The following PTPRG variants were observed in gnomAD, a reference collection of about 807,000 sequenced individuals.
PTPRG encodes protein tyrosine phosphatase receptor type G, also known as receptor-type tyrosine-protein phosphatase gamma.
PTPRG carries 102 observed loss-of-function variants against 165.3 expected under a neutral mutation model. The observed-to-expected ratio is 0.62, with a 90% CI of 0.53 to 0.73. The LOEUF is 0.73. Ranked by LOEUF, PTPRG falls within the 30% of genes least tolerant of loss-of-function variation. The pLI is 0.00. For synonymous variants in PTPRG, 675 were observed against 669.5 expected (o/e 1.01, Z -0.13); for missense variants, 1,866 against 1,861.4 (o/e 1.00, Z -0.05).
At chr3:61,844,737 A>C (rs1290724034) in intron 2 of PTPRG, among the ~76,000 whole-genome samples, 1 of 151,734 alleles carries the variant, frequency 6.6e-6, no homozygotes, top group Non-Finnish European at 1.5e-5. Context: ...TCCTGGCCTC[A>C]AGCAGTCCTA....
chr3:61,869,680 C>G (rs1299939348), intron 2 of PTPRG, among the ~76,000 whole-genome samples: 1 of 151,744 alleles, frequency 6.6e-6, no homozygotes, highest in Non-Finnish European at 1.5e-5. Context: ...CTGGGCTTAA[C>G]TGATCTTCCC....
At chr3:61,720,023 T>G (rs1202091479) in intron 1 of PTPRG, among the ~76,000 whole-genome samples, 1 of 152,196 alleles carries the variant, frequency 6.6e-6, no homozygotes, top group Non-Finnish European at 1.5e-5. Flanking sequence ...TTTTTTCTCC[T>G]GGGCACCATT....
At chr3:62,220,272 G>T (rs1700620992) in intron 13 of PTPRG, among the ~76,000 whole-genome samples, 1 of 152,248 alleles carries the variant, frequency 6.6e-6, no homozygotes. Flanking sequence ...TTCACTCGAA[G>T]ATGAGTAGGG....
Position 62,228,576 on chromosome 3 carries a change from C to G in PTPRG, c.2289-2649C>G, listed in dbSNP as rs974582835. Among the ~76,000 whole-genome samples the G allele has an allele frequency of 5.3e-5, 8 of 151,960 alleles. No individual in the cohort carries two copies. Among genetic ancestry groups the G allele is most frequent in the African/African-American group, 1.7e-4 (7 of 41,360 alleles). On this transcript the variant is annotated intron_variant, in intron 13 of 29. Coordinates refer to ENST00000474889, the MANE Select transcript of PTPRG (RefSeq NM_002841.4). The surrounding 1 kb of genome is among the most constrained non-coding windows in gnomAD (Gnocchi z 4.1). The stretch of plus-strand genomic sequence containing the variant: ...AAGGACAAGTGCTCCAGGCAGAGGT[C>G]GCTGTGTAGGAGATGACCCAGAAGC...
At position 61,669,438 on chromosome 3, in the gene PTPRG, G is replaced by T. The variant is rs556582595; in HGVS notation, c.86-79440G>T. Among the ~76,000 whole-genome samples the T allele has an allele frequency of 3.9e-5, 6 of 152,260 alleles. No individual in the cohort carries two copies. In the South Asian group the frequency reaches 1.2e-3, roughly 32 times the overall value. ...AGTAATGACAGCACAGTCACAGCTG[G>T]TCTGTGGCTTAACAGTGTCTGCAGG... On this transcript the variant is annotated intron_variant, in intron 1 of 29. Transcript: ENST00000474889.
chr3:62,089,477 C>T, intron 5 of PTPRG, among the ~76,000 whole-genome samples: 1 of 152,196 alleles, frequency 6.6e-6, no homozygotes, highest in Non-Finnish European at 1.5e-5. Flanking sequence ...CGGTCTATTG[C>T]AAGAACGTCC....
chr3:61,854,424 T>C (rs2037046128), intron 2 of PTPRG, among the ~76,000 whole-genome samples: 1 of 152,140 alleles, frequency 6.6e-6, no homozygotes. Context: ...TGGCAAAAAA[T>C]TGATTCCTCT....
In PTPRG at chr3:61,938,878, T is replaced by A. The variant is rs187835746; in HGVS notation, c.191-50747T>A. Among the ~76,000 whole-genome samples the A allele has an allele frequency of 2.6e-5, 4 of 152,310 alleles. No homozygotes were observed. In the East Asian group the frequency reaches 5.8e-4, roughly 22 times the overall value. On this transcript the variant is annotated intron_variant, in intron 2 of 29. Coordinates refer to ENST00000474889, the MANE Select transcript of PTPRG (RefSeq NM_002841.4). ...ATCCAGGTATAATTGGTTTCGAGAT[T>A]TTTGCTTTGGGGGTGAAATATTTCA... is the stretch of plus-strand genomic sequence containing the variant.
At chr3:62,186,348 G>A (rs919016183) in intron 8 of PTPRG, among the ~76,000 whole-genome samples, 3 of 152,054 alleles carry the variant, frequency 2.0e-5, no homozygotes, top group Admixed American at 6.5e-5. Context: ...AGAGAAACGC[G>A]AGCCCCTGCC....
intron 2 of PTPRG, among the ~76,000 whole-genome samples, chr3:61,845,732 A>G (rs1194382823): frequency 1.3e-5 from 2 of 152,200 alleles, no homozygotes; most frequent in South Asian, 4.1e-4. Flanking sequence ...TTCATGTCTT[A>G]TAATGTATTT....
intron 2 of PTPRG, among the ~76,000 whole-genome samples, chr3:61,874,684 T>C (rs570905362): frequency 1.3e-5 from 2 of 152,120 alleles, no homozygotes; most frequent in East Asian, 3.9e-4. Context: ...ACAGGGGGAG[T>C]GTGCTGTTAA....
intron 1 of PTPRG, among the ~76,000 whole-genome samples, chr3:61,623,408 A>T (rs12630382): frequency 0.095 from 14,503 of 152,170 alleles, 769 homozygotes; most frequent in Middle Eastern, 0.13. Flanking sequence ...GGGGGGAAGG[A>T]CCTTGAGGTT....
At chr3:61,614,113 C>T (rs920236008) in intron 1 of PTPRG, among the ~76,000 whole-genome samples, 1 of 152,202 alleles carries the variant, frequency 6.6e-6, no homozygotes, top group Non-Finnish European at 1.5e-5. Flanking sequence ...ACCCATGGGC[C>T]TGCCTCCGCC....
At chr3:62,122,417 C>G (rs1298611409) in intron 5 of PTPRG, among the ~76,000 whole-genome samples, 1 of 152,096 alleles carries the variant, frequency 6.6e-6, no homozygotes, top group Non-Finnish European at 1.5e-5. Context: ...TCTGCAGAGA[C>G]TACATTATGA....
At chr3:61,722,242 C>CACACAA (rs2032081420) in intron 1 of PTPRG, among the ~76,000 whole-genome samples, 2 of 151,450 alleles carry the variant, frequency 1.3e-5, no homozygotes, top group Non-Finnish European at 2.9e-5. Context: ...CACACACACA[C>CACACAA]ACATGCACAA....
At chr3:61,830,665 C>T (rs772230623) in intron 2 of PTPRG, among the ~76,000 whole-genome samples, 20 of 145,088 alleles carry the variant, frequency 1.4e-4, no homozygotes, top group Non-Finnish European at 3.0e-5. Context: ...ACCTCCACCT[C>T]TCAGGTTCAA....
intron 1 of PTPRG, among the ~76,000 whole-genome samples, chr3:61,607,258 G>A (rs1350545275): frequency 6.6e-6 from 1 of 152,138 alleles, no homozygotes; most frequent in Non-Finnish European, 1.5e-5. Context: ...TAAAGCTGTG[G>A]GTACAGAGCA....
intron 2 of PTPRG, among the ~76,000 whole-genome samples, chr3:61,865,579 G>A (rs1445864861): frequency 2.0e-5 from 3 of 152,250 alleles, no homozygotes; most frequent in East Asian, 3.9e-4. Context: ...TCATATGGAT[G>A]GCCCGATACC....
intron 1 of PTPRG, among the ~76,000 whole-genome samples, chr3:61,645,573 G>GCTAC (rs1702176824): frequency 6.6e-6 from 1 of 152,214 alleles, no homozygotes; most frequent in African/African-American, 2.4e-5. Flanking sequence ...TAGCAGTGGT[G>GCTAC]GTAGAGAAGC....
Sources: gnomAD v4.1 joint callset for allele counts (sites outside exome capture counted in the v4.1 genomes callset) on GRCh38, gnomAD v4.1.1 for gene constraint, Gnocchi (gnomAD v3.1) non-coding constraint, MANE v1.5 for transcripts, NCBI Gene and HGNC (gene_info 2026-07-23, HGNC 2026-07-21) for gene names.